TTC28: variants seen among roughly 807,000 people sequenced by gnomAD.
The protein encoded by TTC28 is tetratricopeptide repeat protein 28.
A neutral mutation model predicts 198.0 loss-of-function variants in TTC28; 61 were observed. The ratio of observed to expected loss-of-function variants is 0.31; its 90% confidence interval spans 0.25 to 0.38. The LOEUF is 0.38. Ranked by LOEUF, TTC28 falls within the 10% of genes least tolerant of loss-of-function variation. The pLI is 1.00. For synonymous variants in TTC28, 1,171 were observed against 1,297.8 expected (o/e 0.90, Z 2.10); for missense variants, 2,678 against 3,164.0 (o/e 0.85, Z 3.69).
chr22:28,031,287 T>C (rs1438633323), intron 12 of TTC28, among the ~76,000 whole-genome samples: 5 of 152,176 alleles, frequency 3.3e-5, no homozygotes, highest in East Asian at 1.9e-4. Flanking sequence ...GGCACATCTC[T>C]ATGTTGAGCC....
intron 2 of TTC28, among the ~76,000 whole-genome samples, chr22:28,344,401 A>G (rs1332378163): frequency 6.6e-6 from 1 of 152,132 alleles, no homozygotes; most frequent in Non-Finnish European, 1.5e-5. Flanking sequence ...GAACTAAGAC[A>G]TGACAAATAC....
In TTC28 at chr22:28,417,739, T is replaced by C. The variant is rs2047189444; in HGVS notation, c.382-111096A>G. On this transcript the variant is annotated intron_variant, in intron 2 of 22. Transcript: ENST00000397906. ...CCTGACAGAAAAATGGCACATTTAA[T>C]TACTAATCTACATATCAGGCAAAGC... Among the ~76,000 whole-genome samples the C allele has an allele frequency of 2.0e-5, 3 of 152,318 alleles. No individual in the cohort carries two copies. In the South Asian group the frequency reaches 6.2e-4, roughly 32 times the overall value.
intron 2 of TTC28, among the ~76,000 whole-genome samples, chr22:28,551,230 G>T (rs1260157218): frequency 6.6e-6 from 1 of 151,960 alleles, no homozygotes; most frequent in Non-Finnish European, 1.5e-5. Flanking sequence ...GATTGAAATG[G>T]TAATTTTAAA....
intron 2 of TTC28, among the ~76,000 whole-genome samples, chr22:28,419,261 T>C (rs1163250435): frequency 6.6e-6 from 1 of 152,182 alleles, no homozygotes; most frequent in Non-Finnish European, 1.5e-5. Flanking sequence ...CAAATTAAGA[T>C]ACTATCTTTT....
rs137861927 is a variant in TTC28 at position 28,323,416 on chromosome 22, T to C, written c.382-16773A>G. Among the ~76,000 whole-genome samples the C allele has an allele frequency of 5.3e-5, 8 of 152,270 alleles. No homozygotes were observed. The East Asian group carries it at 1.5e-3, about 29-fold the overall frequency. On this transcript the variant is annotated intron_variant, in intron 2 of 22. Coordinates refer to ENST00000397906, the MANE Select transcript of TTC28 (RefSeq NM_001145418.2). ...TCAGAATCCTATCAGATAAATTTAA[T>C]AAAGGGATTGAAATAATTAAAAAGA...
chr22:28,469,055 T>A (rs1031460046), intron 2 of TTC28, among the ~76,000 whole-genome samples: 1 of 152,220 alleles, frequency 6.6e-6, no homozygotes, highest in Non-Finnish European at 1.5e-5. Context: ...CTCTAGGAAC[T>A]GCACCTCCTC....
At chr22:28,447,585 G>A (rs948101885) in intron 2 of TTC28, among the ~76,000 whole-genome samples, 2 of 152,124 alleles carry the variant, frequency 1.3e-5, no homozygotes, top group African/African-American at 4.8e-5. Flanking sequence ...TGGTTTTTCT[G>A]AACGCATCTG....
chr22:28,366,181 A>C (rs149943782), intron 2 of TTC28, among the ~76,000 whole-genome samples: 1 of 152,320 alleles, frequency 6.6e-6, no homozygotes, highest in Non-Finnish European at 1.5e-5. Flanking sequence ...GCCAAATTTC[A>C]AATAAGAATC....
chr22:28,379,951 G>C (rs1316935517), intron 2 of TTC28, among the ~76,000 whole-genome samples: 2 of 151,878 alleles, frequency 1.3e-5, no homozygotes, highest in African/African-American at 4.8e-5. Context: ...TTACATCTTA[G>C]GACAGAACAA....
intron 5 of TTC28, among the ~76,000 whole-genome samples, chr22:28,279,294 C>T (rs2044534173): frequency 6.6e-6 from 1 of 152,074 alleles, no homozygotes; most frequent in Non-Finnish European, 1.5e-5. Context: ...ATGTATATCA[C>T]TAACTAAAGT....
At chr22:28,534,188 T>C (rs922978363) in intron 2 of TTC28, among the ~76,000 whole-genome samples, 1 of 152,140 alleles carries the variant, frequency 6.6e-6, no homozygotes, top group African/African-American at 2.4e-5. Flanking sequence ...ATCCAGAATC[T>C]ACAAAGAACT....
At chr22:28,678,738 T>C (rs2052041744) in intron 1 of TTC28, among the ~76,000 whole-genome samples, 1 of 152,196 alleles carries the variant, frequency 6.6e-6, no homozygotes, top group Non-Finnish European at 1.5e-5. Context: ...AGATATTTTC[T>C]GATCATCTAC....
At chr22:28,531,645 C>A (rs1282017461) in intron 2 of TTC28, among the ~76,000 whole-genome samples, 2 of 152,156 alleles carry the variant, frequency 1.3e-5, no homozygotes, top group Non-Finnish European at 2.9e-5. Flanking sequence ...CCAAAATTGA[C>A]CACATAGTTG....
At chr22:28,536,620 T>C (rs559540476) in intron 2 of TTC28, among the ~76,000 whole-genome samples, 2 of 151,970 alleles carry the variant, frequency 1.3e-5, no homozygotes, top group East Asian at 1.9e-4. Context: ...CGAGACTCCG[T>C]CTCAAAAAAA....
Position 28,278,681 on chromosome 22 carries a change from G to A in TTC28, c.933+17517C>T, listed in dbSNP as rs528648239. 1.7e-4 allele frequency among the ~76,000 whole-genome samples: 26 copies of A among 152,316 alleles called. No homozygotes were observed. The South Asian group carries it at 5.4e-3, about 32-fold the overall frequency. ...GAGGTGACTCCCCACGGCAGATGCT[G>A]TAAGAAAAGGCTCTGGCCATACAAA... is the stretch of plus-strand genomic sequence containing the variant. On this transcript the variant is annotated intron_variant, in intron 5 of 22. Coordinates refer to ENST00000397906, the MANE Select transcript of TTC28 (RefSeq NM_001145418.2).
chr22:28,020,370 T>A (rs1938542449), intron 13 of TTC28, among the ~76,000 whole-genome samples: 1 of 152,250 alleles, frequency 6.6e-6, no homozygotes, highest in Non-Finnish European at 1.5e-5. Context: ...CATTTTCATT[T>A]TCTCCAAAGC....
rs76450219 is a variant in TTC28, at chr22:28,352,842, T to A, written c.382-46199A>T. On this transcript the variant is annotated intron_variant, in intron 2 of 22. Transcript: ENST00000397906. ...AGTCTAAAAAACAGTTTAAAATAAC[T>A]ATGTTTCAAACAACCATGTTTAAAA... is the stretch of plus-strand genomic sequence containing the variant. Among the ~76,000 whole-genome samples, 910 of 152,100 alleles carry A rather than the reference T, an allele frequency of 6.0e-3. 4 individuals are homozygous for A. The highest frequency in any genetic ancestry group is 0.01 in the Non-Finnish European group (711 of 67,994).
chr22:28,209,771 A>T (rs1926746294), intron 5 of TTC28, among the ~76,000 whole-genome samples: 2 of 152,194 alleles, frequency 1.3e-5, no homozygotes, highest in Non-Finnish European at 2.9e-5. Flanking sequence ...TCCCTGTCTG[A>T]CACTTTGAAG....
chr22:28,569,114 C>A (rs918813573), intron 2 of TTC28, among the ~76,000 whole-genome samples: 2 of 151,276 alleles, frequency 1.3e-5, no homozygotes, highest in Non-Finnish European at 2.9e-5. Flanking sequence ...CCACTGCACT[C>A]CAGCCTGGGC....
Sources: gnomAD v4.1 joint callset for allele counts (sites outside exome capture counted in the v4.1 genomes callset) on GRCh38, gnomAD v4.1.1 for gene constraint, MANE v1.5 for transcripts, NCBI Gene and HGNC (gene_info 2026-07-23, HGNC 2026-07-21) for gene names.